The following IRF2 variants were observed in gnomAD, a reference collection of about 807,000 sequenced individuals.
IRF2 encodes the protein interferon regulatory factor 2.
In IRF2, 15 loss-of-function variants were observed where a neutral mutation model predicts 40.6. The ratio of observed to expected loss-of-function variants is 0.37; its 90% CI spans 0.25 to 0.57. The LOEUF is 0.57. Among genes scored for constraint, IRF2 ranks in the 20% least tolerant of loss-of-function variants. The probability of loss-of-function intolerance (pLI) is 0.77; values close to 1 mark genes in which losing one functional copy is unlikely to be tolerated. For missense variants in IRF2, 317 were observed against 455.7 expected (o/e 0.70, Z 2.77); for synonymous variants, 151 against 165.5 (o/e 0.91, Z 0.67).
At chr4:184,418,398 G>A (rs1368904302) in intron 4 of IRF2, 134 bp downstream of exon 4, 4 of 971,198 alleles carry the variant, frequency 4.1e-6, no homozygotes, top group Non-Finnish European at 6.4e-6. Flanking sequence ...AAGCCAGGTA[G>A]GGGCGGAATG....
At position 184,421,732 on chromosome 4, in the gene IRF2, T is replaced by TAC. The variant is rs147172543; in HGVS notation, c.88-2166_88-2165dup. ...ATCTGCACGCATGCATGCATACACA[T>TAC]ACACACACACACAACCAAACCTAGT... On this transcript the variant is annotated intron_variant, in intron 2 of 8. Transcript: ENST00000393593. Among the ~76,000 whole-genome samples the TAC allele has an allele frequency of 1.1e-3, 173 of 151,844 alleles. No individual in the cohort carries two copies. In the Middle Eastern group the frequency reaches 0.014, roughly 12 times the overall value.
chr4:184,465,437 G>A (rs1218932844), intron 1 of IRF2, among the ~76,000 whole-genome samples: 2 of 151,982 alleles, frequency 1.3e-5, no homozygotes, highest in Non-Finnish European at 2.9e-5. Context: ...AGGGTAATTG[G>A]TAATTGTGCT....
chr4:184,454,966 A>G (rs898982538), intron 1 of IRF2, among the ~76,000 whole-genome samples: 3 of 152,188 alleles, frequency 2.0e-5, no homozygotes, highest in African/African-American at 7.2e-5. Flanking sequence ...GCAGTGACTA[A>G]GTCAGTGTTC....
intron 2 of IRF2, among the ~76,000 whole-genome samples, chr4:184,427,554 G>A (rs552386063): frequency 4.7e-4 from 71 of 152,264 alleles, no homozygotes; most frequent in Admixed American, 4.3e-3. Flanking sequence ...ACAAAGGTGG[G>A]AGGATCGCTT....
At chr4:184,406,640 A>G (rs1403614523) in intron 6 of IRF2, among the ~76,000 whole-genome samples, 1 of 152,220 alleles carries the variant, frequency 6.6e-6, no homozygotes, top group East Asian at 1.9e-4. Context: ...AGGGTTCCAT[A>G]GCCCTGTGTC....
At chr4:184,419,029 G>A (rs572440145) in intron 3 of IRF2, among the ~76,000 whole-genome samples, 2 of 152,308 alleles carry the variant, frequency 1.3e-5, no homozygotes, top group African/African-American at 4.8e-5. Context: ...CTGAGAGGCT[G>A]CAAAGTCAAC....
intron 1 of IRF2, among the ~76,000 whole-genome samples, chr4:184,444,923 G>A (rs1334869275): frequency 6.6e-6 from 1 of 152,254 alleles, no homozygotes; most frequent in Non-Finnish European, 1.5e-5. Flanking sequence ...GGAATGCACA[G>A]AGCATAATGT....
Position 184,419,573 on chromosome 4 carries a change from A to C in IRF2, c.88-5T>G. 5.4e-6 allele frequency: 4 copies of C among 742,468 alleles called. No homozygotes were observed. The highest frequency in any genetic ancestry group is 7.1e-6 in the Non-Finnish European group (4 of 562,586). The allele number at this position is 742,468 out of a possible 1,614,324, so 46.0% of individuals were successfully genotyped here. ...GATCTGAAAAATCTTCTTTTCCTGA[A>C]AAAAAAAAAAAAAAAAAAGGTAAAG... On this transcript the variant is annotated splice_polypyrimidine_tract_variant and splice_region_variant and intron_variant, in intron 2 of 8. Coordinates refer to ENST00000393593, the MANE Select transcript of IRF2 (RefSeq NM_002199.4).
At chr4:184,389,445 A>T (rs575666462) in intron 8 of IRF2, among the ~76,000 whole-genome samples, 7 of 152,324 alleles carry the variant, frequency 4.6e-5, no homozygotes, top group South Asian at 2.1e-4. Flanking sequence ...AAAAAATTTT[A>T]AAATGAAAAA....
At chr4:184,407,242 C>A in intron 6 of IRF2, 1 of 1,288,036 alleles carries the variant, frequency 7.8e-7, no homozygotes, top group Non-Finnish European at 1.0e-6. Flanking sequence ...TCTTCCGTTT[C>A]CCAAAAACAG....
At chr4:184,398,455 G>T (rs980220223) in intron 7 of IRF2, among the ~76,000 whole-genome samples, 1 of 151,978 alleles carries the variant, frequency 6.6e-6, no homozygotes, top group East Asian at 1.9e-4. Flanking sequence ...TCAGGAGCTC[G>T]AGACCAGCCT....
At chr4:184,411,149 C>G (rs1737059585) in intron 5 of IRF2, among the ~76,000 whole-genome samples, 1 of 152,020 alleles carries the variant, frequency 6.6e-6, no homozygotes, top group East Asian at 1.9e-4. Flanking sequence ...CCTCCACCTC[C>G]CGGGTTCAAG....
Position 184,398,931 on chromosome 4 carries a change from G to A in IRF2, c.678C>T (p.Pro226=), listed in dbSNP as rs146966318. Residue 226 remains proline (P), a synonymous_variant, in exon 7 of 9, where the codon CCC becomes CCT. Coordinates refer to ENST00000393593, the MANE Select transcript of IRF2 (RefSeq NM_002199.4). The part of the protein sequence containing the change: ...MSELYPLQIS[P]VSSYAESETT... ...GACGCTTACCTGCATAGGAAGACAC[G>A]GGGGAGATCTGCAGAGGGTAGAGCT... 116 of 1,607,756 alleles carry A rather than the reference G, an allele frequency of 7.2e-5. No homozygotes were observed. Among genetic ancestry groups the A allele is most frequent in the African/African-American group, 2.7e-4 (20 of 74,490 alleles).
At chr4:184,400,490 C>T (rs1736628175) in intron 6 of IRF2, among the ~76,000 whole-genome samples, 1 of 152,128 alleles carries the variant, frequency 6.6e-6, no homozygotes, top group South Asian at 2.1e-4. Flanking sequence ...TGCTACAAGC[C>T]TTTGACTATT....
At chr4:184,391,474 G>A (rs1483487960) in intron 7 of IRF2, among the ~76,000 whole-genome samples, 1 of 152,216 alleles carries the variant, frequency 6.6e-6, no homozygotes, top group Admixed American at 6.5e-5. Flanking sequence ...ACCATGTTGG[G>A]AAGGCTCCTA....
intron 1 of IRF2, among the ~76,000 whole-genome samples, chr4:184,473,257 G>GCCCGCGC (rs1447298081): frequency 7.3e-5 from 11 of 150,684 alleles, no homozygotes; most frequent in Admixed American, 7.3e-4. Flanking sequence ...CCCCGCCGCG[G>GCCCGCGC]CCCGCGCCCC....
chr4:184,439,910 A>G (rs1002106132), intron 1 of IRF2, among the ~76,000 whole-genome samples: 2 of 152,186 alleles, frequency 1.3e-5, no homozygotes, highest in African/African-American at 4.8e-5. Context: ...TGGTCACTCT[A>G]GAAAACAGTT....
At chr4:184,401,423 A>C (rs1417093273) in intron 6 of IRF2, among the ~76,000 whole-genome samples, 3 of 152,234 alleles carry the variant, frequency 2.0e-5, no homozygotes, top group African/African-American at 7.2e-5. Flanking sequence ...CACAGCATAC[A>C]GAATGGAAGG....
At chr4:184,437,042 AC>A (rs753115934) in intron 1 of IRF2, among the ~76,000 whole-genome samples, 95 of 152,044 alleles carry the variant, frequency 6.2e-4, no homozygotes, top group Admixed American at 1.8e-3. Context: ...CATCCACTAC[AC>A]CCAGCTAATT....
Sources: allele counts gnomAD v4.1 joint callset (sites outside exome capture counted in the v4.1 genomes callset), GRCh38; gene constraint gnomAD v4.1.1; transcripts MANE v1.5; gene names NCBI Gene and HGNC (gene_info 2026-07-23, HGNC 2026-07-21).